GRM1: variants seen among roughly 807,000 people sequenced by gnomAD.
GRM1 encodes the protein metabotropic glutamate receptor 1.
A neutral mutation model predicts 90.9 loss-of-function variants in GRM1; 33 were observed. That is an observed-to-expected ratio of 0.36 (90% confidence interval 0.28 to 0.49). GRM1 has a LOEUF of 0.49. Among genes scored for constraint, GRM1 ranks in the 20% least tolerant of loss-of-function variants. The pLI, the probability that GRM1 is intolerant of heterozygous loss-of-function variation, is 0.99. For synonymous variants in GRM1, 700 were observed against 613.2 expected (o/e 1.14, Z -2.09); for missense variants, 1,190 against 1,534.3 (o/e 0.78, Z 3.75).
chr6:146,354,349 G>C (rs1163288647), intron 4 of GRM1, among the ~76,000 whole-genome samples: 1 of 98,244 alleles, frequency 1.0e-5, no homozygotes, highest in Non-Finnish European at 2.6e-5. Flanking sequence ...GGCTCAATAA[G>C]GGTCAGAATT....
At chr6:146,368,979 ACTTTT>A (rs2115086581) in intron 5 of GRM1, among the ~76,000 whole-genome samples, 1 of 152,050 alleles carries the variant, frequency 6.6e-6, no homozygotes, top group African/African-American at 2.4e-5. Flanking sequence ...CTGATCCAGG[ACTTTT>A]CTTTGTTGAG....
At chr6:146,116,920 A>G (rs140132811) in intron 1 of GRM1, among the ~76,000 whole-genome samples, 186 of 152,034 alleles carry the variant, frequency 1.2e-3, no homozygotes, top group African/African-American at 4.0e-3. Context: ...CTTTACCATA[A>G]TATTTCTCAC....
chr6:146,059,138 T>C (rs566161926), intron 1 of GRM1, among the ~76,000 whole-genome samples: 1 of 152,290 alleles, frequency 6.6e-6, no homozygotes, highest in East Asian at 1.9e-4. Flanking sequence ...TCAATTTACT[T>C]TGCCCAGATC....
intron 1 of GRM1, among the ~76,000 whole-genome samples, chr6:146,136,287 G>T (rs1436964901): frequency 6.6e-6 from 1 of 152,092 alleles, no homozygotes; most frequent in East Asian, 1.9e-4. Flanking sequence ...TTTCTTTTGG[G>T]TCTATACCTA....
At chr6:146,343,645 G>T (rs1485795467) in intron 3 of GRM1, among the ~76,000 whole-genome samples, 1 of 137,988 alleles carries the variant, frequency 7.2e-6, no homozygotes, top group Non-Finnish European at 1.5e-5. Flanking sequence ...TATTGTTGTT[G>T]TTGTTGTTTT....
At chr6:146,341,651 A>G (rs1414271584) in intron 3 of GRM1, among the ~76,000 whole-genome samples, 1 of 152,206 alleles carries the variant, frequency 6.6e-6, no homozygotes, top group Non-Finnish European at 1.5e-5. Flanking sequence ...AAGTTCCCCA[A>G]AGCACTAAGA....
intron 2 of GRM1, among the ~76,000 whole-genome samples, chr6:146,258,874 C>G (rs1781581417): frequency 6.6e-6 from 1 of 152,110 alleles, no homozygotes; most frequent in Non-Finnish European, 1.5e-5. Flanking sequence ...TCATACCTAC[C>G]CTACTTACTA....
At chr6:146,420,393 GC>G (rs142189594) in intron 7 of GRM1, among the ~76,000 whole-genome samples, 2,799 of 152,356 alleles carry the variant, frequency 0.018, 37 homozygotes, top group South Asian at 0.029. Flanking sequence ...CTAGTGCACA[GC>G]CAGGCTTTCT....
At chr6:146,328,409 T>C (rs1049849628) in intron 3 of GRM1, among the ~76,000 whole-genome samples, 41 of 152,322 alleles carry the variant, frequency 2.7e-4, no homozygotes, top group African/African-American at 6.3e-4. Context: ...CTTATTTGAT[T>C]TCTGGCTTTA....
At position 146,352,351 on chromosome 6, in the gene GRM1, G is replaced by T; in HGVS notation, c.1288G>T (p.Ala430Ser). The T allele has an allele frequency of 1.2e-6, 2 of 1,614,148 alleles. No homozygotes were observed. The highest frequency in any genetic ancestry group is 1.7e-6 in the Non-Finnish European group (2 of 1,179,968). ...ACATGGGCTGCAGAACATGCACCAT[G>T]CCCTCTGCCCTGGCCACGTGGGCCT... ...MAHGLQNMHH[A>S]LCPGHVGLCD... The change falls in exon 4 of 8, where the codon GCC (alanine) becomes TCC (serine). Residue 430 changes from alanine (A) to serine (S), a missense_variant. This residue lies in a region of GRM1 where 414 missense variants were observed against 598.4 expected (regional missense o/e 0.69). Transcript: ENST00000282753.
intron 2 of GRM1, among the ~76,000 whole-genome samples, chr6:146,201,621 C>G (rs559312368): frequency 7.2e-5 from 11 of 152,334 alleles, no homozygotes; most frequent in Admixed American, 5.9e-4. Context: ...AAAGGCCACA[C>G]CTCCAAATTC....
chr6:146,150,036 T>C (rs1289320373), intron 1 of GRM1, among the ~76,000 whole-genome samples: 1 of 152,050 alleles, frequency 6.6e-6, no homozygotes, highest in Non-Finnish European at 1.5e-5. Flanking sequence ...AGCAGATGTT[T>C]GGATGGAGGC....
intron 2 of GRM1, among the ~76,000 whole-genome samples, chr6:146,190,282 G>A (rs892624893): frequency 6.6e-6 from 1 of 152,192 alleles, no homozygotes; most frequent in African/African-American, 2.4e-5. Flanking sequence ...TAAGCATGGA[G>A]TCTGAAGTTA....
intron 1 of GRM1, among the ~76,000 whole-genome samples, chr6:146,100,854 T>C (rs1039823205): frequency 6.6e-6 from 1 of 152,200 alleles, no homozygotes. Flanking sequence ...TCCCAGCACT[T>C]TTGGAAGCCA....
chr6:146,075,338 GT>G (rs1776149046), intron 1 of GRM1, among the ~76,000 whole-genome samples: 1 of 152,166 alleles, frequency 6.6e-6, no homozygotes, highest in Non-Finnish European at 1.5e-5. Context: ...GTCAGACACT[GT>G]GCTAGCTCTG....
intron 1 of GRM1, among the ~76,000 whole-genome samples, chr6:146,141,357 G>A (rs61351931): frequency 0.017 from 2,580 of 149,880 alleles, 76 homozygotes; most frequent in African/African-American, 0.058. Flanking sequence ...TAAATGCCTC[G>A]AAGTAGTCTT....
intron 1 of GRM1, among the ~76,000 whole-genome samples, chr6:146,050,230 A>G (rs1390996148): frequency 6.6e-6 from 1 of 151,946 alleles, no homozygotes. Context: ...ACTCATTACC[A>G]ATTCAGAAAA....
rs182700619 is a variant in GRM1 at position 146,213,248 on chromosome 6, G to T, written c.950+53651G>T. Among the ~76,000 whole-genome samples, 40 of 152,206 alleles carry T rather than the reference G, an allele frequency of 2.6e-4. No homozygotes were observed. The East Asian group carries it at 4.3e-3, about 16-fold the overall frequency. On this transcript the variant is annotated intron_variant, in intron 2 of 7. Coordinates refer to ENST00000282753, the MANE Select transcript of GRM1 (RefSeq NM_001278064.2). The stretch of plus-strand genomic sequence containing the variant: ...ATGGATTATGAGAGAGGTTGTATCA[G>T]GTTGAAGCATAGAATTCAAAATGAG...
At chr6:146,172,407 A>AT (rs1249499648) in intron 2 of GRM1, among the ~76,000 whole-genome samples, 2 of 152,166 alleles carry the variant, frequency 1.3e-5, no homozygotes, top group Admixed American at 6.5e-5. Flanking sequence ...AGAAACCTTT[A>AT]TTTTATCTAC....
Sources: allele counts gnomAD v4.1 joint callset (sites outside exome capture counted in the v4.1 genomes callset), GRCh38; gene constraint gnomAD v4.1.1; regional missense constraint gnomAD v4.1.1; transcripts MANE v1.5; gene names NCBI Gene and HGNC (gene_info 2026-07-23, HGNC 2026-07-21).